Variants in FAHD2B observed in about 807,000 individuals in gnomAD.
The protein encoded by FAHD2B is fumarylacetoacetate hydrolase domain containing 2B, also known as oxaloacetate tautomerase FAHD2B, mitochondrial.
Under a neutral mutation model 33.7 loss-of-function variants are expected in FAHD2B, and 26 were observed. That is an observed-to-expected ratio of 0.77 (90% CI 0.57 to 1.07). FAHD2B has a LOEUF of 1.07. FAHD2B is among the 50% of genes least tolerant of loss of function. FAHD2B has a pLI of 0.00. For synonymous variants in FAHD2B, 108 were observed against 150.9 expected (o/e 0.72, Z 2.08); for missense variants, 272 against 388.1 (o/e 0.70, Z 2.51).
At chr2:97,092,664 A>C (rs1407925981) in intron 1 of FAHD2B, among the ~76,000 whole-genome samples, 1 of 152,088 alleles carries the variant, frequency 6.6e-6, no homozygotes, top group Non-Finnish European at 1.5e-5. Context: ...TTCCTCCTCA[A>C]ATCACCTAGA....
Position 97,083,649 on chromosome 2 carries a change from G to A in FAHD2B, c.*106C>T, listed in dbSNP as rs1275587489. ...CTTCTCCCTTCTACCGAGAAGAGGC[G>A]GCTTGCAGGGCTGGCACCTGCCCAC... On this transcript the variant is annotated 3_prime_UTR_variant, in exon 9 of 9. Coordinates refer to ENST00000414820, the MANE Select transcript of FAHD2B (RefSeq NM_001320848.2). 159 of 1,568,114 alleles carry A rather than the reference G, an allele frequency of 1.0e-4. 1 individual carries two copies. Among genetic ancestry groups the A allele is most frequent in the Non-Finnish European group, 1.3e-4 (154 of 1,146,476 alleles).
chr2:97,088,939 G>A (rs547840439), intron 4 of FAHD2B, among the ~76,000 whole-genome samples: 1 of 152,226 alleles, frequency 6.6e-6, no homozygotes, highest in Non-Finnish European at 1.5e-5. Flanking sequence ...TGAAGGGCAG[G>A]GAGAGGGCAA....
At chr2:97,082,381 GTCT>G, downstream of FAHD2B, 1 of 1,613,594 alleles carries the variant, frequency 6.2e-7, no homozygotes. Flanking sequence ...CCAGGTCTAG[GTCT>G]TCTCTCTTCT....
chr2:97,087,017 T>C (rs1290435281), intron 4 of FAHD2B: 1 of 152,042 alleles, frequency 6.6e-6, no homozygotes, highest in African/African-American at 2.4e-5. Context: ...GAATTCACAG[T>C]GATATTGAAG....
chr2:97,092,796 C>A (rs1346611134), intron 1 of FAHD2B, among the ~76,000 whole-genome samples: 4 of 151,548 alleles, frequency 2.6e-5, no homozygotes, highest in South Asian at 4.2e-4. Flanking sequence ...CATGGTGAAA[C>A]CCTGTATCCC....
chr2:97,088,567 TTTTTCTTTTGTAAATTGCCC>T (rs1360950621), intron 4 of FAHD2B, among the ~76,000 whole-genome samples: 6 of 152,184 alleles, frequency 3.9e-5, no homozygotes, highest in African/African-American at 1.4e-4. Flanking sequence ...CAATTAAACC[TTTTTCTTTTGTAAATTGCCC>T]AGTCTCGGAT....
At chr2:97,094,418 CAA>C (rs1476478835) in intron 1 of FAHD2B, among the ~76,000 whole-genome samples, 1 of 129,942 alleles carries the variant, frequency 7.7e-6, no homozygotes, top group Non-Finnish European at 1.6e-5. Context: ...GAGCTCAATC[CAA>C]CTCTGCAAGA....
chr2:97,081,400 G>C, downstream of FAHD2B: 1 of 1,549,088 alleles, frequency 6.5e-7, no homozygotes, highest in Non-Finnish European at 8.7e-7. Context: ...CCATGTGCCT[G>C]GCTCTCCTGA....
At chr2:97,088,923 G>T (rs994323855) in intron 4 of FAHD2B, among the ~76,000 whole-genome samples, 2 of 152,028 alleles carry the variant, frequency 1.3e-5, no homozygotes, top group African/African-American at 4.8e-5. Context: ...ATGTGTGTTT[G>T]CCATGTGAAG....
rs34927915 is a variant in FAHD2B, at chr2:97,093,471, C to CTT, written c.-133+1228_-133+1229dup. On this transcript the variant is annotated intron_variant, in intron 1 of 8. Transcript: ENST00000414820. ...TCTACCTACAATGTCTGATTTAATT[C>CTT]TTTTTTTTTTTTTTTTTTTTTGAGA... Among the ~76,000 whole-genome samples, 420 of 92,088 alleles carry CTT rather than the reference C, an allele frequency of 4.6e-3. 8 individuals are homozygous for CTT. The highest frequency in any genetic ancestry group is 0.011 in the African/African-American group (281 of 26,640). 60.4% of individuals were successfully genotyped at this position (92,088 alleles called of 152,430 possible). A position where few individuals can be genotyped will look rare whatever the true frequency, so the allele number is the denominator to read the frequency against.
At chr2:97,088,130 G>T (rs538971074) in intron 4 of FAHD2B, among the ~76,000 whole-genome samples, 1 of 152,236 alleles carries the variant, frequency 6.6e-6, no homozygotes, top group East Asian at 1.9e-4. Flanking sequence ...CTCACTGTCT[G>T]CTATAATCAA....
At chr2:97,091,742 T>C (rs772704348) in intron 2 of FAHD2B, 30 bp from the exon 3 acceptor site, 25 of 1,588,524 alleles carry the variant, frequency 1.6e-5, no homozygotes, top group Admixed American at 6.9e-5. Flanking sequence ...ATCCAGGAGA[T>C]GGAGGATCTC....
At position 97,090,410 on chromosome 2, in the gene FAHD2B, C is replaced by A. The variant is rs2924055; in HGVS notation, c.246-85G>T. 62 of 1,471,230 alleles carry A rather than the reference C, an allele frequency of 4.2e-5. 2 individuals carry two copies. In the East Asian group the frequency reaches 5.0e-4, roughly 12 times the overall value. The allele number at this position is 1,471,230 out of a possible 1,614,324, so 91.1% of individuals were successfully genotyped here. On this transcript the variant is annotated intron_variant, in intron 3 of 8. Coordinates refer to ENST00000414820, the MANE Select transcript of FAHD2B (RefSeq NM_001320848.2). The stretch of plus-strand genomic sequence containing the variant: ...GGCTGGGCAGATCCTGCAGCAGCTA[C>A]AGGTTTTGCTTTTTGAAATCTATTT...
At chr2:97,089,515 C>T (rs1173552276) in intron 4 of FAHD2B, among the ~76,000 whole-genome samples, 2 of 67,050 alleles carry the variant, frequency 3.0e-5, no homozygotes, top group African/African-American at 8.8e-5. Flanking sequence ...AAGACTCTGT[C>T]TCAAAAAAAA....
At position 97,085,731 on chromosome 2, in the gene FAHD2B, C is replaced by T; in HGVS notation, c.653G>A (p.Gly218Asp). The T allele has an allele frequency of 6.2e-7, 1 of 1,613,800 alleles. No homozygotes were observed. The highest frequency in any genetic ancestry group is 8.5e-7 in the Non-Finnish European group (1 of 1,179,846). ...GKTFDTFCPL[G>D]PALVTKDSVA... is the part of the protein sequence containing the mutation. ...ACTGTCCTTGGTCACCAAGGCAGGG[C>T]CCAGAGGGCAGAAGGTGTCGAAGGT... Residue 218 changes from glycine (G) to aspartate (D), a missense_variant, in exon 6 of 9, where the codon GGC becomes GAC. Physicochemically the swap from Gly to Asp is moderately conservative, Grantham distance 94 (BLOSUM62 -1). Transcript: ENST00000414820.
intron 1 of FAHD2B, among the ~76,000 whole-genome samples, chr2:97,092,965 CAAAAA>C (rs748844060): frequency 4.7e-5 from 3 of 64,220 alleles, no homozygotes; most frequent in Admixed American, 1.8e-4. Flanking sequence ...AGAGCGACTC[CAAAAA>C]AAAAAAAAAA....
At chr2:97,082,531 G>A, downstream of FAHD2B, 1 of 1,601,876 alleles carries the variant, frequency 6.2e-7, no homozygotes, top group South Asian at 1.1e-5. Context: ...GCTGCCCCCT[G>A]CCAGACAGTG....
chr2:97,088,593 C>T (rs776182157), intron 4 of FAHD2B, among the ~76,000 whole-genome samples: 5 of 152,068 alleles, frequency 3.3e-5, no homozygotes, highest in African/African-American at 4.8e-5. Context: ...TGCCCAGTCT[C>T]GGATATGTCT....
chr2:97,092,677 G>A (rs2032418602), intron 1 of FAHD2B, among the ~76,000 whole-genome samples: 1 of 152,038 alleles, frequency 6.6e-6, no homozygotes, highest in Admixed American at 6.6e-5. Flanking sequence ...CACCTAGAAA[G>A]TATCCACAAG....
Sources: gnomAD v4.1 joint callset for allele counts (sites outside exome capture counted in the v4.1 genomes callset) on GRCh38, gnomAD v4.1.1 for gene constraint, MANE v1.5 for transcripts, NCBI Gene and HGNC (gene_info 2026-07-23, HGNC 2026-07-21) for gene names.